AKR7A3: variants seen among roughly 807,000 people sequenced by gnomAD.
AKR7A3 encodes AFB1 aldehyde reductase 2.
In AKR7A3, 37 loss-of-function variants were observed where a neutral mutation model predicts 32.5. That is an observed-to-expected ratio of 1.14 (90% CI 0.88 to 1.50). AKR7A3 has a LOEUF of 1.50. Among genes scored for constraint, AKR7A3 ranks in the 40% most tolerant of loss-of-function variants. The pLI is 0.00. For synonymous variants in AKR7A3, 177 were observed against 188.4 expected, an observed-to-expected ratio of 0.94 and a Z score of 0.50; for missense variants, 412 against 453.2, an observed-to-expected ratio of 0.91 and a Z score of 0.83.
downstream of AKR7A3, among the ~76,000 whole-genome samples, chr1:19,279,509 T>C: frequency 6.6e-6 from 1 of 151,914 alleles, no homozygotes; most frequent in East Asian, 1.9e-4. Context: ...TGCCAAACTA[T>C]TTTCCAAAGT....
rs1303510064 is a variant in AKR7A3 at position 19,284,117 on chromosome 1, T to C, written c.713A>G (p.Lys238Arg). The change falls in exon 6 of 7, where the codon AAG becomes AGG. Residue 238 changes from lysine (K) to arginine (R), a missense_variant. Transcript: ENST00000361640. ...GGCAATGCCCTCAAAGTGGTGCTCC[T>C]TCCAGTAGCTGGGAAGGGGGGACGG... ...WAEMYRNRYW[K>R]EHHFEGIALV... is the part of the protein sequence containing the mutation. The C allele has an allele frequency of 3.1e-6, 5 of 1,610,376 alleles. No homozygotes were observed. Among genetic ancestry groups the C allele is most frequent in the Non-Finnish European group, 4.2e-6 (5 of 1,178,124 alleles).
In AKR7A3 at chr1:19,286,275, A is replaced by T; in HGVS notation, c.312T>A (p.Cys104Ter). 1 of 1,613,828 alleles carries T rather than the reference A, an allele frequency of 6.2e-7. No homozygotes were observed. Among genetic ancestry groups the T allele is most frequent in the Non-Finnish European group, 8.5e-7 (1 of 1,180,028 alleles). The change falls in exon 2 of 7, where the codon TGT becomes TGA. Residue 104 changes from cysteine to a stop codon, truncating the protein, a stop_gained. Transcript: ENST00000361640. LOFTEE classifies it high-confidence loss of function. ...QLETSLKRLQ[C>*]PRVDLFYLHM... The stretch of plus-strand genomic sequence containing the variant: ...GCAGGTAGAAGAGGTCCACTCGGGG[A>T]CACTGCAGCCGCTTCAGTGACGTCT...
chr1:19,287,166 G>A (rs887775219), intron 1 of AKR7A3, among the ~76,000 whole-genome samples: 7 of 151,642 alleles, frequency 4.6e-5, no homozygotes, highest in South Asian at 2.1e-4. Flanking sequence ...AAAATTAGCC[G>A]GGTGTGGTGC....
At chr1:19,286,113 T>C in intron 2 of AKR7A3, 72 bp downstream of exon 2, 1 of 1,594,462 alleles carries the variant, frequency 6.3e-7, no homozygotes, top group African/African-American at 1.4e-5. Flanking sequence ...CTGGTGCCTC[T>C]GCTCTCACCA....
intron 1 of AKR7A3, among the ~76,000 whole-genome samples, chr1:19,288,045 C>T (rs2093733979): frequency 6.6e-6 from 1 of 152,206 alleles, no homozygotes; most frequent in African/African-American, 2.4e-5. Flanking sequence ...AGATAGTGTG[C>T]TGGGTCCAAA....
In AKR7A3 at chr1:19,282,884, G is replaced by A. The variant is rs34949847; in HGVS notation, c.843C>T (p.His281=). 7.6e-3 allele frequency: 12,220 copies of A among 1,611,658 alleles called. 1,079 individuals are homozygous for A. In the African/African-American group the frequency reaches 0.14, roughly 19 times the overall value. The change falls in exon 7 of 7, where the codon CAC becomes CAT. Residue 281 remains histidine (H), a synonymous_variant. Transcript: ENST00000361640. ...ACATGCCCAGGATGACCGCGTCCCCGTGGGCACCCTGCAAGGGAGACGGCC... is the reference window on the plus strand; with the variant it reads ...ACATGCCCAGGATGACCGCGTCCCCATGGGCACCCTGCAAGGGAGACGGCC... ...MYHHSQLQGA[H]GDAVILGMSS...
chr1:19,282,050 A>C (rs575843306), downstream of AKR7A3, among the ~76,000 whole-genome samples: 178 of 152,056 alleles, frequency 1.2e-3, no homozygotes, highest in Non-Finnish European at 2.2e-3. Context: ...ATGCTGAAAC[A>C]AGTTAAGACT....
Position 19,288,668 on chromosome 1 carries a change from C to T in AKR7A3, c.42G>A (p.Leu14=). ...QLSRARPATV[L]GAMEMGRRMD... is the part of the protein sequence containing the mutation. ...TGCGGCGCCCCATCTCCATGGCGCC[C>T]AGCACCGTGGCTGGCCGGGCCCGCG... Residue 14 remains leucine, a synonymous_variant, in exon 1 of 7, where the codon CTG becomes CTA. Transcript: ENST00000361640. 6.5e-7 allele frequency: 1 copy of T among 1,533,388 alleles called. No individual in the cohort carries two copies. The highest frequency in any genetic ancestry group is 8.8e-7 in the Non-Finnish European group (1 of 1,140,972). 95.0% of individuals were successfully genotyped at this position (1,533,388 alleles called of 1,614,324 possible).
In AKR7A3 at chr1:19,282,625, A is replaced by C; in HGVS notation, c.*106T>G. 1 of 1,559,972 alleles carries C rather than the reference A, an allele frequency of 6.4e-7. No homozygotes were observed. Among genetic ancestry groups the C allele is most frequent in the Non-Finnish European group, 8.7e-7 (1 of 1,147,822 alleles). On this transcript the variant is annotated 3_prime_UTR_variant, in exon 7 of 7. Coordinates refer to ENST00000361640, the MANE Select transcript of AKR7A3 (RefSeq NM_012067.3). Reference sequence around the variant, plus strand: ...GACTCTTCTATTAGGTTTTTGTCCAAATACTTCCATCCCTAAGAATTTACT... The same window carrying C: ...GACTCTTCTATTAGGTTTTTGTCCACATACTTCCATCCCTAAGAATTTACT...
In AKR7A3 at chr1:19,286,411, G is replaced by A. The variant is rs377639559; in HGVS notation, c.215-39C>T. On this transcript the variant is annotated intron_variant, in intron 1 of 6. Transcript: ENST00000361640. Reference sequence around the variant, plus strand: ...GAAATGAAATTCAGGGCCAGGCGCCGTGGCTCATGCCTGTAATCCCAGCAC... The same window carrying A: ...GAAATGAAATTCAGGGCCAGGCGCCATGGCTCATGCCTGTAATCCCAGCAC... 2.1e-5 allele frequency: 34 copies of A among 1,598,158 alleles called. 2 individuals carry two copies. In the Admixed American group the frequency reaches 2.4e-4, roughly 11 times the overall value.
rs2093723170 is a variant in AKR7A3, at chr1:19,283,844, CAT to C, written c.834+150_834+151del. The stretch of plus-strand genomic sequence containing the variant: ...AGACTCTGTCCCCCCAAAAAAAAAA[CAT>C]AGAAAAAGACCAGTGGGAAGAATGT... On this transcript the variant is annotated intron_variant, in intron 6 of 6. Coordinates refer to ENST00000361640, the MANE Select transcript of AKR7A3 (RefSeq NM_012067.3). The C allele has an allele frequency of 4.8e-5, 64 of 1,324,946 alleles. 1 individual carries two copies. The South Asian group carries it at 8.1e-4, about 17-fold the overall frequency. 82.1% of individuals were successfully genotyped at this position (1,324,946 alleles called of 1,614,324 possible).
In AKR7A3 at chr1:19,286,291, A is replaced by T; in HGVS notation, c.296T>A (p.Leu99Gln). The change falls in exon 2 of 7, where the codon CTG becomes CAG. Residue 99 changes from leucine to glutamine, a missense_variant. By Grantham distance (113) the Leu-to-Gln change is moderately radical. Coordinates refer to ENST00000361640, the MANE Select transcript of AKR7A3 (RefSeq NM_012067.3). ...DSLRFQLETS[L>Q]KRLQCPRVDL... ...CACTCGGGGACACTGCAGCCGCTTC[A>T]GTGACGTCTCCAGCTGGAACCGGAG... 6.2e-7 allele frequency: 1 copy of T among 1,613,944 alleles called. No individual in the cohort carries two copies. The highest frequency in any genetic ancestry group is 8.5e-7 in the Non-Finnish European group (1 of 1,180,036).
the AKR7A3 span, among the ~76,000 whole-genome samples, chr1:19,275,363 A>T: frequency 1.3e-5 from 2 of 151,680 alleles, no homozygotes; most frequent in Admixed American, 6.6e-5. Flanking sequence ...GTGAGCCAAG[A>T]TCGCACCATT....
At chr1:19,276,995 T>C in the AKR7A3 span, among the ~76,000 whole-genome samples, 9 of 151,676 alleles carry the variant, frequency 5.9e-5, no homozygotes, top group South Asian at 1.9e-3. Context: ...ATGCCTATAA[T>C]CCCAGTTACT....
chr1:19,274,341 A>C, the AKR7A3 span: 5 of 564,526 alleles, frequency 8.9e-6, no homozygotes, highest in South Asian at 1.2e-4. Context: ...AGATTTTAAC[A>C]CTCCTCAAGT....
downstream of AKR7A3, among the ~76,000 whole-genome samples, chr1:19,281,293 G>C (rs2093718486): frequency 6.6e-6 from 1 of 151,810 alleles, no homozygotes; most frequent in South Asian, 2.1e-4. Context: ...TATCCTGGGT[G>C]CCCTGAATTT....
In AKR7A3 at chr1:19,288,612, C is replaced by A; in HGVS notation, c.98G>T (p.Arg33Leu). Reference protein sequence around the residue: ...MDAPTSAAVTRAFLERGHTEI... With the variant: ...MDAPTSAAVTLAFLERGHTEI... ...GGTGTGGCCGCGCTCCAGGAAGGCG[C>A]GCGTGACTGCGGCGCTGGTGGGCGC... Residue 33 changes from arginine (R) to leucine (L), a missense_variant, in exon 1 of 7, where the codon CGC (arginine) becomes CTC (leucine). Arg to Leu is a moderately radical substitution (Grantham distance 102, BLOSUM62 -2). Coordinates refer to ENST00000361640, the MANE Select transcript of AKR7A3 (RefSeq NM_012067.3). 2 of 1,587,822 alleles carry A rather than the reference C, an allele frequency of 1.3e-6. No homozygotes were observed. The highest frequency in any genetic ancestry group is 1.7e-6 in the Non-Finnish European group (2 of 1,169,194).
In AKR7A3 at chr1:19,285,027, G is replaced by A. The variant is rs2093726802; in HGVS notation, c.595C>T (p.Pro199Ser). The stretch of plus-strand genomic sequence containing the variant: ...GGAATGCTCCACGTACCAGCCAGAG[G>A]GTTGAAGGCATAGAACCTCAGTCCA... ...HFGLRFYAFN[P>S]LAGGLLTGKY... The change falls in exon 4 of 7, where the codon CCT (proline) becomes TCT (serine). Residue 199 changes from proline (P) to serine (S), a missense_variant. Physicochemically the swap from Pro to Ser is moderately conservative, Grantham distance 74. Coordinates refer to ENST00000361640, the MANE Select transcript of AKR7A3 (RefSeq NM_012067.3). 4 of 1,612,592 alleles carry A rather than the reference G, an allele frequency of 2.5e-6. No homozygotes were observed. The highest frequency in any genetic ancestry group is 1.3e-5 in the African/African-American group (1 of 74,614).
chr1:19,282,964 C>A, intron 6 of AKR7A3, 72 bp from the exon 7 acceptor site: 17 of 1,583,042 alleles, frequency 1.1e-5, no homozygotes, highest in Non-Finnish European at 1.4e-5. Flanking sequence ...GTCCCAGCCA[C>A]CTCCCTGCTG....
Sources: allele counts gnomAD v4.1 joint callset (sites outside exome capture counted in the v4.1 genomes callset), GRCh38; gene constraint gnomAD v4.1.1; transcripts MANE v1.5; gene names NCBI Gene and HGNC (gene_info 2026-07-23, HGNC 2026-07-21).